SUMF1: variants seen among roughly 807,000 people sequenced by gnomAD.
SUMF1 encodes the protein sulfatase modifying factor 1.
In SUMF1, 48 loss-of-function variants were observed where a neutral mutation model predicts 47.6. The ratio of observed to expected loss-of-function variants is 1.01; its 90% CI spans 0.80 to 1.28. The LOEUF (loss-of-function observed/expected upper bound fraction) is 1.28. Among genes scored for constraint, SUMF1 ranks in the 50% most tolerant of loss-of-function variants. The probability of loss-of-function intolerance (pLI) is 0.00; values close to 1 mark genes in which losing one functional copy is unlikely to be tolerated. For missense variants in SUMF1, 571 were observed against 485.4 expected, an observed-to-expected ratio of 1.18 and a Z score of -1.66; for synonymous variants, 230 against 192.1, an observed-to-expected ratio of 1.20 and a Z score of -1.63.
chr3:4,166,409 T>C (rs1694707318), intron 8 of SUMF1, among the ~76,000 whole-genome samples: 1 of 152,178 alleles, frequency 6.6e-6, no homozygotes, highest in Non-Finnish European at 1.5e-5. Context: ...ATAGCCTTTG[T>C]TAGGCCTGCT....
Position 4,417,119 on chromosome 3 carries a change from A to C in SUMF1, c.840+9T>G. Reference sequence around the variant, plus strand: ...GCTGCCACCCTCCTGCAGAGGTCTCATTACTCACAGGCGCAGTTCCTTGGA... The same window carrying C: ...GCTGCCACCCTCCTGCAGAGGTCTCCTTACTCACAGGCGCAGTTCCTTGGA... On this transcript the variant is annotated intron_variant, in intron 6 of 8. Coordinates refer to ENST00000272902, the MANE Select transcript of SUMF1 (RefSeq NM_182760.4). 1 of 1,613,552 alleles carries C rather than the reference A, an allele frequency of 6.2e-7. No homozygotes were observed. Among genetic ancestry groups the C allele is most frequent in the Middle Eastern group, 1.7e-4 (1 of 6,058 alleles).
chr3:4,098,024 C>T lies in SUMF1; in HGVS notation c.1015-29279G>A, dbSNP rs543257772. On this transcript the variant is annotated intron_variant and NMD_transcript_variant, in intron 8 of 12. Transcript: ENST00000448413. The stretch of plus-strand genomic sequence containing the variant: ...TTTCAGGCCTTCTCTGGCCTCTTGC[C>T]TTTCAAAACAATGTCTCCGCTGAAA... Among the ~76,000 whole-genome samples, 321 of 152,236 alleles carry T rather than the reference C, an allele frequency of 2.1e-3. 1 individual carries two copies. The highest frequency in any genetic ancestry group is 3.7e-3 in the Non-Finnish European group (249 of 68,010).
intron 8 of SUMF1, among the ~76,000 whole-genome samples, chr3:4,300,638 G>A (rs1006332915): frequency 2.0e-5 from 3 of 152,002 alleles, no homozygotes; most frequent in Non-Finnish European, 4.4e-5. Flanking sequence ...CTCCCTTCTG[G>A]GATAACTAAG....
At chr3:4,221,240 G>A (rs1696053867) in intron 8 of SUMF1, among the ~76,000 whole-genome samples, 1 of 152,116 alleles carries the variant, frequency 6.6e-6, no homozygotes, top group Admixed American at 6.6e-5. Flanking sequence ...TGCAGCAGCA[G>A]TACTAAGATG....
chr3:4,048,162 T>C (rs994253875), intron 9 of SUMF1, among the ~76,000 whole-genome samples: 1 of 152,170 alleles, frequency 6.6e-6, no homozygotes, highest in Non-Finnish European at 1.5e-5. Flanking sequence ...CCTTTTCCAT[T>C]CTTCAAGTCT....
downstream of SUMF1, among the ~76,000 whole-genome samples, chr3:4,356,805 C>T (rs1351709813): frequency 1.3e-5 from 2 of 152,222 alleles, no homozygotes; most frequent in African/African-American, 4.8e-5. Context: ...TGAGCAACTC[C>T]AGGCTGACAT....
intron 8 of SUMF1, among the ~76,000 whole-genome samples, chr3:4,301,788 T>C (rs1294718233): frequency 6.6e-6 from 1 of 152,200 alleles, no homozygotes; most frequent in Non-Finnish European, 1.5e-5. Flanking sequence ...GAGGAGCCTG[T>C]AGGACAGAAA....
Position 4,288,790 on chromosome 3 carries a change from C to A in SUMF1, c.1014+87540G>T, listed in dbSNP as rs537727032. On this transcript the variant is annotated intron_variant and NMD_transcript_variant, in intron 8 of 12. Transcript: ENST00000448413. ...TTGCACTCCAGCCTGAACAACAGAG[C>A]GAGACTCTGTCTAGAAAAAAAAAAA... 3.1e-4 allele frequency among the ~76,000 whole-genome samples: 43 copies of A among 138,486 alleles called. 1 individual carries two copies. The highest frequency in any genetic ancestry group is 1.2e-3 in the African/African-American group (41 of 33,394). 90.9% of individuals were successfully genotyped at this position (138,486 alleles called of 152,430 possible).
intron 8 of SUMF1, among the ~76,000 whole-genome samples, chr3:4,215,380 T>C (rs1346765072): frequency 6.6e-6 from 1 of 152,144 alleles, no homozygotes; most frequent in East Asian, 1.9e-4. Context: ...AACTAGGTAT[T>C]GGTGGGATGC....
intron 8 of SUMF1, among the ~76,000 whole-genome samples, chr3:4,192,741 G>C (rs529107615): frequency 1.6e-4 from 24 of 152,180 alleles, no homozygotes; most frequent in African/African-American, 5.8e-4. Context: ...TTTGAGTTAG[G>C]CCAACCTCCA....
chr3:4,388,668 C>A (rs1249407535), intron 7 of SUMF1, among the ~76,000 whole-genome samples: 4 of 151,828 alleles, frequency 2.6e-5, no homozygotes, highest in East Asian at 1.9e-4. Context: ...CTGTGGGTTA[C>A]CCAAACTTTT....
chr3:4,062,027 A>G lies in SUMF1; in HGVS notation c.1191+6542T>C, dbSNP rs116059370. ...TTTCTGTATTTACCTCTCCTCTAAT[A>G]CCGTCTCACCCTCTCTCTCCTACAC... On this transcript the variant is annotated intron_variant and NMD_transcript_variant, in intron 9 of 12. Coordinates refer to the SUMF1 transcript ENST00000448413. Among the ~76,000 whole-genome samples, 380 of 151,990 alleles carry G rather than the reference A, an allele frequency of 2.5e-3. 2 individuals are homozygous for G. The highest frequency in any genetic ancestry group is 8.7e-3 in the African/African-American group (362 of 41,464).
At chr3:4,321,657 T>C (rs1442035861) in intron 8 of SUMF1, among the ~76,000 whole-genome samples, 1 of 152,082 alleles carries the variant, frequency 6.6e-6, no homozygotes, top group Non-Finnish European at 1.5e-5. Flanking sequence ...CTGATATAAA[T>C]AAATGATTGA....
At chr3:4,454,497 T>C (rs1703086163) in intron 1 of SUMF1, among the ~76,000 whole-genome samples, 1 of 152,192 alleles carries the variant, frequency 6.6e-6, no homozygotes, top group Admixed American at 6.5e-5. Flanking sequence ...TGTAAAATAG[T>C]TCAGCTGCTT....
At chr3:4,422,430 T>G (rs895120665) in intron 3 of SUMF1, among the ~76,000 whole-genome samples, 2 of 151,912 alleles carry the variant, frequency 1.3e-5, no homozygotes, top group Non-Finnish European at 2.9e-5. Flanking sequence ...TATGTTAACC[T>G]CCATGAATGA....
At chr3:4,304,060 A>G (rs1698074516) in intron 8 of SUMF1, 4 of 205,200 alleles carry the variant, frequency 1.9e-5, no homozygotes, top group Admixed American at 1.9e-4. Context: ...TGCTTTGAAA[A>G]TGGCAAGGAA....
chr3:4,303,210 C>T lies in SUMF1; in HGVS notation c.1014+73120G>A, dbSNP rs565840402. ...CTCTGGCTGAAATCAAAACGGGAGC[C>T]AGACCCAAAAAGTCAAGGAAGGGAA... On this transcript the variant is annotated intron_variant and NMD_transcript_variant, in intron 8 of 12. Transcript: ENST00000448413. 1.8e-5 allele frequency: 12 copies of T among 649,892 alleles called. No homozygotes were observed. In the East Asian group the frequency reaches 4.2e-4, roughly 23 times the overall value. The allele number at this position is 649,892 out of a possible 1,614,324, so 40.3% of individuals were successfully genotyped here.
chr3:4,287,615 G>C (rs979920380), intron 8 of SUMF1, among the ~76,000 whole-genome samples: 1 of 152,126 alleles, frequency 6.6e-6, no homozygotes, highest in Non-Finnish European at 1.5e-5. Flanking sequence ...AAGGAACGTG[G>C]CACAATCTAA....
At chr3:4,207,061 T>A (rs1010303683) in intron 8 of SUMF1, among the ~76,000 whole-genome samples, 1 of 152,146 alleles carries the variant, frequency 6.6e-6, no homozygotes, top group Non-Finnish European at 1.5e-5. Flanking sequence ...TATATAGTTC[T>A]TGTACTTTAA....
Sources: gnomAD v4.1 joint callset for allele counts (sites outside exome capture counted in the v4.1 genomes callset) on GRCh38, gnomAD v4.1.1 for gene constraint, MANE v1.5 for transcripts, NCBI Gene and HGNC (gene_info 2026-07-23, HGNC 2026-07-21) for gene names.